Variants in LUZP2 observed in about 807,000 individuals in gnomAD.
LUZP2 encodes the protein leucine zipper protein 2.
LUZP2 carries 52 observed loss-of-function variants against 51.6 expected under a neutral mutation model. That is an observed-to-expected ratio of 1.01 (90% CI 0.81 to 1.27). The LOEUF (loss-of-function observed/expected upper bound fraction) is 1.27. Among genes scored for constraint, LUZP2 ranks in the 50% most tolerant of loss-of-function variants. The pLI, the probability that LUZP2 is intolerant of heterozygous loss-of-function variation, is 0.00. For missense variants in LUZP2, 436 were observed against 395.4 expected, an observed-to-expected ratio of 1.10 and a Z score of -0.87; for synonymous variants, 154 against 137.3, an observed-to-expected ratio of 1.12 and a Z score of -0.85.
chr11:24,905,209 C>T lies in LUZP2; in HGVS notation c.397-782C>T, dbSNP rs114328397. 7.1e-3 allele frequency among the ~76,000 whole-genome samples: 1,081 copies of T among 151,976 alleles called. 12 individuals are homozygous for T. Among genetic ancestry groups the T allele is most frequent in the African/African-American group, 0.021 (880 of 41,462 alleles). ...CCACTTTCAGAACTAGACATGTTAT[C>T]CAAACAAAAAATGAACAAAGAAACA... On this transcript the variant is annotated intron_variant, in intron 5 of 11. Transcript: ENST00000336930.
chr11:24,643,315 G>C (rs539603362), intron 1 of LUZP2, among the ~76,000 whole-genome samples: 1 of 151,394 alleles, frequency 6.6e-6, no homozygotes, highest in Non-Finnish European at 1.5e-5. Flanking sequence ...TGGGAGGTTG[G>C]GGGGTAGAGA....
chr11:24,651,916 T>C (rs142979470), intron 1 of LUZP2, among the ~76,000 whole-genome samples: 2 of 152,256 alleles, frequency 1.3e-5, no homozygotes, highest in Non-Finnish European at 2.9e-5. Flanking sequence ...GAATTTTGGA[T>C]GTGCAAAGCC....
chr11:24,830,257 C>T (rs1850660057), intron 5 of LUZP2, among the ~76,000 whole-genome samples: 2 of 131,108 alleles, frequency 1.5e-5, no homozygotes, highest in South Asian at 4.6e-4. Context: ...TCTTTCAGGT[C>T]TCATGTCAGT....
intron 5 of LUZP2, among the ~76,000 whole-genome samples, chr11:24,794,868 C>T (rs1457948913): frequency 6.6e-6 from 1 of 151,894 alleles, no homozygotes; most frequent in East Asian, 1.9e-4. Context: ...TCAAAATAAC[C>T]TTGTTAACAA....
At chr11:24,988,251 T>C (rs1039584778) in intron 9 of LUZP2, among the ~76,000 whole-genome samples, 1 of 152,062 alleles carries the variant, frequency 6.6e-6, no homozygotes, top group African/African-American at 2.4e-5. Context: ...GATCTCACAG[T>C]ATGTGTTAAA....
intron 5 of LUZP2, among the ~76,000 whole-genome samples, chr11:24,813,716 C>T (rs1198379475): frequency 6.6e-6 from 1 of 152,210 alleles, no homozygotes; most frequent in Non-Finnish European, 1.5e-5. Context: ...GACAAATATC[C>T]AAACTATATC....
chr11:24,629,968 TAC>T, intron 1 of LUZP2, among the ~76,000 whole-genome samples: 1 of 152,026 alleles, frequency 6.6e-6, no homozygotes, highest in Non-Finnish European at 1.5e-5. Flanking sequence ...TGTTTTCATA[TAC>T]GTGTTGGCCA....
At chr11:24,959,462 G>T (rs1855325874) in intron 7 of LUZP2, among the ~76,000 whole-genome samples, 1 of 152,018 alleles carries the variant, frequency 6.6e-6, no homozygotes, top group South Asian at 2.1e-4. Context: ...CCTTGAAGAG[G>T]TCCTTCACGT....
At chr11:25,074,079 T>C (rs369042707) in intron 10 of LUZP2, among the ~76,000 whole-genome samples, 4 of 152,288 alleles carry the variant, frequency 2.6e-5, no homozygotes, top group African/African-American at 9.6e-5. Flanking sequence ...ACTACTTTTA[T>C]ACTACAACAT....
At chr11:25,019,067 A>G (rs11028352) in intron 9 of LUZP2, among the ~76,000 whole-genome samples, 88,853 of 151,966 alleles carry the variant, frequency 0.58, 27,198 homozygotes, top group African/African-American at 0.77. Flanking sequence ...CATTTGTTGC[A>G]CTCAATGAAC....
chr11:24,707,855 AC>A, intron 1 of LUZP2, among the ~76,000 whole-genome samples: 1 of 152,282 alleles, frequency 6.6e-6, no homozygotes, highest in South Asian at 2.1e-4. Context: ...AGAAGGGTGC[AC>A]CCTTACAGAT....
chr11:24,681,656 T>C (rs1364754717), intron 1 of LUZP2, among the ~76,000 whole-genome samples: 1 of 152,196 alleles, frequency 6.6e-6, no homozygotes, highest in African/African-American at 2.4e-5. Context: ...AAATGAGCTA[T>C]CTAGTTTACA....
chr11:24,652,066 ATGT>A (rs1250682027), intron 1 of LUZP2, among the ~76,000 whole-genome samples: 2 of 150,750 alleles, frequency 1.3e-5, no homozygotes, highest in Admixed American at 6.7e-5. Context: ...GTGTGTACAC[ATGT>A]TGTATATGTG....
intron 5 of LUZP2, among the ~76,000 whole-genome samples, chr11:24,810,937 A>G (rs1293256947): frequency 6.6e-6 from 1 of 152,084 alleles, no homozygotes; most frequent in Admixed American, 6.6e-5. Flanking sequence ...AGCTCCCATT[A>G]GGTCTTCTCT....
chr11:24,799,637 T>A (rs1051419762), intron 5 of LUZP2, among the ~76,000 whole-genome samples: 1 of 151,546 alleles, frequency 6.6e-6, no homozygotes, highest in Non-Finnish European at 1.5e-5. Context: ...AAAAGTGAGT[T>A]CAAGTATTAG....
At chr11:24,715,780 T>C (rs1011292880) in intron 1 of LUZP2, among the ~76,000 whole-genome samples, 4 of 152,192 alleles carry the variant, frequency 2.6e-5, no homozygotes, top group African/African-American at 9.6e-5. Flanking sequence ...TTGAGCCAGT[T>C]GATTAGGGAT....
chr11:24,787,454 A>G (rs538511733), intron 5 of LUZP2, among the ~76,000 whole-genome samples: 1 of 152,316 alleles, frequency 6.6e-6, no homozygotes, highest in South Asian at 2.1e-4. Context: ...TATAATGACG[A>G]TAATTATTAT....
At chr11:25,053,917 T>A (rs1264442649) in intron 10 of LUZP2, among the ~76,000 whole-genome samples, 1 of 152,152 alleles carries the variant, frequency 6.6e-6, no homozygotes, top group Non-Finnish European at 1.5e-5. Flanking sequence ...TATTCTCCCA[T>A]CTTCACCATT....
At chr11:24,655,251 G>C (rs1206869609) in intron 1 of LUZP2, among the ~76,000 whole-genome samples, 1 of 152,124 alleles carries the variant, frequency 6.6e-6, no homozygotes, top group Admixed American at 6.5e-5. Context: ...GTTTGTTAAA[G>C]ATATGAAAAT....
Sources: gnomAD v4.1 joint callset for allele counts (sites outside exome capture counted in the v4.1 genomes callset) on GRCh38, gnomAD v4.1.1 for gene constraint, MANE v1.5 for transcripts, NCBI Gene and HGNC (gene_info 2026-07-23, HGNC 2026-07-21) for gene names.